Variants in MTA3 observed in about 807,000 individuals in gnomAD.
The protein encoded by MTA3 is metastasis-associated protein MTA3.
Under a neutral mutation model 83.5 loss-of-function variants are expected in MTA3, and 34 were observed. That is an observed-to-expected ratio of 0.41 (90% CI 0.31 to 0.54). The LOEUF is 0.54. MTA3 is among the 20% of genes least tolerant of loss of function. The pLI is 0.33. For missense variants in MTA3, 761 were observed against 726.4 expected (o/e 1.05, Z -0.55); for synonymous variants, 303 against 252.7 (o/e 1.20, Z -1.89).
chr2:42,639,452 A>G (rs966581142), intron 4 of MTA3, among the ~76,000 whole-genome samples: 5 of 152,122 alleles, frequency 3.3e-5, no homozygotes, highest in Admixed American at 3.3e-4. Flanking sequence ...TCATTTTGAA[A>G]GTGCTCGTAA....
chr2:42,590,635 G>C (rs1264496938), intron 3 of MTA3, among the ~76,000 whole-genome samples: 1 of 7,090 alleles, frequency 1.4e-4, no homozygotes, highest in Non-Finnish European at 2.3e-4. Flanking sequence ...TTTTTTTTGT[G>C]AGGTGGAGTC....
intron 15 of MTA3, among the ~76,000 whole-genome samples, chr2:42,720,894 G>C (rs962444612): frequency 1.5e-4 from 21 of 140,486 alleles, no homozygotes; most frequent in African/African-American, 5.4e-4. Context: ...AGAGGTTGCA[G>C]TGAGCCAAGA....
intron 16 of MTA3, among the ~76,000 whole-genome samples, chr2:42,741,484 T>G (rs1669022365): frequency 6.6e-6 from 1 of 152,210 alleles, no homozygotes; most frequent in African/African-American, 2.4e-5. Context: ...GGCTCATCAT[T>G]TCTGGCTTTT....
chr2:42,613,333 T>C (rs1295771248), intron 4 of MTA3, among the ~76,000 whole-genome samples: 1 of 152,188 alleles, frequency 6.6e-6, no homozygotes, highest in Non-Finnish European at 1.5e-5. Flanking sequence ...GGCTTTTTGT[T>C]TTTTTCCAAA....
intron 3 of MTA3, among the ~76,000 whole-genome samples, chr2:42,588,160 C>A (rs908448418): frequency 2.0e-4 from 30 of 152,036 alleles, no homozygotes; most frequent in African/African-American, 7.0e-4. Flanking sequence ...TTAATGAATC[C>A]TTGAAATAAT....
intron 2 of MTA3, among the ~76,000 whole-genome samples, chr2:42,514,682 C>CATTT (rs1201134677): frequency 1.9e-5 from 1 of 53,492 alleles, no homozygotes; most frequent in Non-Finnish European, 3.1e-5. Flanking sequence ...CGCCCAGCCC[C>CATTT]TTTTTTTTTT....
At chr2:42,665,554 GGTGGT>G (rs750598598) in intron 8 of MTA3, among the ~76,000 whole-genome samples, 51 of 152,328 alleles carry the variant, frequency 3.3e-4, no homozygotes, top group Non-Finnish European at 5.9e-5. Flanking sequence ...CTCCCTGTTT[GGTGGT>G]GTTGGCCAGA....
chr2:42,499,049 G>C (rs940089141), intron 2 of MTA3, among the ~76,000 whole-genome samples: 1 of 152,148 alleles, frequency 6.6e-6, no homozygotes, highest in Non-Finnish European at 1.5e-5. Flanking sequence ...GGAGGTATAA[G>C]TCAAAGGGTA....
chr2:42,526,827 G>A (rs962470408), intron 2 of MTA3, among the ~76,000 whole-genome samples: 2 of 151,946 alleles, frequency 1.3e-5, no homozygotes, highest in East Asian at 1.9e-4. Context: ...AGGCCAAGGC[G>A]GGCAGATCAT....
At position 42,633,708 on chromosome 2, in the gene MTA3, A is replaced by G. The variant is rs201881242; in HGVS notation, c.318-6465A>G. 2.0e-5 allele frequency among the ~76,000 whole-genome samples: 3 copies of G among 151,956 alleles called. No homozygotes were observed. In the East Asian group the frequency reaches 5.8e-4, roughly 29 times the overall value. ...AGATCGAGACCATCCTGGCTAACAC[A>G]GTGAAACCCCGTCTCTACTAAAAAT... On this transcript the variant is annotated intron_variant, in intron 4 of 16. Transcript: ENST00000405094.
chr2:42,508,226 A>G (rs1418282815), intron 2 of MTA3, among the ~76,000 whole-genome samples: 1 of 152,144 alleles, frequency 6.6e-6, no homozygotes, highest in Non-Finnish European at 1.5e-5. Context: ...ATTCTAGCAT[A>G]TAAACCTATT....
intron 12 of MTA3, among the ~76,000 whole-genome samples, chr2:42,706,155 T>G (rs1666061049): frequency 6.6e-6 from 1 of 152,084 alleles, no homozygotes; most frequent in Non-Finnish European, 1.5e-5. Flanking sequence ...GGGATAGCTT[T>G]AGGAGATATA....
chr2:42,755,468 C>T lies in MTA3; in HGVS notation c.*2069C>T, dbSNP rs549233839. 150 of 985,490 alleles carry T rather than the reference C, an allele frequency of 1.5e-4. No individual in the cohort carries two copies. In the East Asian group the frequency reaches 2.3e-3, roughly 15 times the overall value. 61.0% of individuals were successfully genotyped at this position (985,490 alleles called of 1,614,324 possible). A position where few individuals can be genotyped will look rare whatever the true frequency, so the allele number is the denominator to read the frequency against. ...AGTTGACATTTGGCTTTGGGAAAAG[C>T]GCAGCTTGTTCGAGCCACGTGTGCC... On this transcript the variant is annotated 3_prime_UTR_variant, in exon 17 of 17. Transcript: ENST00000405094.
chr2:42,501,799 G>A (rs542689275), intron 2 of MTA3, among the ~76,000 whole-genome samples: 9 of 152,230 alleles, frequency 5.9e-5, no homozygotes, highest in African/African-American at 1.9e-4. Context: ...GCAACATGGT[G>A]AAACCCTGTC....
chr2:42,545,529 T>C (rs1216126739), intron 2 of MTA3, among the ~76,000 whole-genome samples: 2 of 151,910 alleles, frequency 1.3e-5, no homozygotes, highest in Non-Finnish European at 2.9e-5. Flanking sequence ...CCAGATAGAA[T>C]CAATGAGTTG....
chr2:42,677,251 C>A (rs911323929), intron 8 of MTA3, among the ~76,000 whole-genome samples: 16 of 152,266 alleles, frequency 1.1e-4, no homozygotes, highest in African/African-American at 3.4e-4. Context: ...TGGGAGGGAC[C>A]ACCGGGGGAG....
chr2:42,544,467 C>T (rs1211571795), intron 2 of MTA3, among the ~76,000 whole-genome samples: 1 of 143,296 alleles, frequency 7.0e-6, no homozygotes, highest in South Asian at 2.2e-4. Context: ...AAAACAAAAA[C>T]AAAAACAAAA....
intron 10 of MTA3, among the ~76,000 whole-genome samples, chr2:42,697,380 A>T (rs1021159866): frequency 6.6e-6 from 1 of 151,680 alleles, no homozygotes. Flanking sequence ...TTTTTCTAAA[A>T]GCAGAGAGAG....
chr2:42,730,763 G>C, intron 16 of MTA3, among the ~76,000 whole-genome samples: 1 of 152,154 alleles, frequency 6.6e-6, no homozygotes, highest in East Asian at 1.9e-4. Context: ...TTTTGGAGTA[G>C]TTTCAGTAGG....
Sources: allele counts gnomAD v4.1 joint callset (sites outside exome capture counted in the v4.1 genomes callset), GRCh38; gene constraint gnomAD v4.1.1; transcripts MANE v1.5; gene names NCBI Gene and HGNC (gene_info 2026-07-23, HGNC 2026-07-21).